MLLT1: variants seen among roughly 807,000 people sequenced by gnomAD.
MLLT1 encodes protein ENL.
A neutral mutation model predicts 55.1 loss-of-function variants in MLLT1; 11 were observed. The observed-to-expected ratio is 0.20, with a 90% CI of 0.13 to 0.33. The LOEUF is 0.33. Among genes scored for constraint, MLLT1 ranks in the 10% least tolerant of loss-of-function variants. The pLI is 1.00. For synonymous variants in MLLT1, 323 were observed against 320.1 expected (o/e 1.01, Z -0.10); for missense variants, 536 against 760.6 (o/e 0.70, Z 3.47).
At chr19:6,225,879 A>G (rs533445700) in intron 5 of MLLT1, among the ~76,000 whole-genome samples, 95 of 152,342 alleles carry the variant, frequency 6.2e-4, no homozygotes, top group African/African-American at 2.2e-3. Flanking sequence ...TGAGAGGGAC[A>G]CTGCCAAGAT....
chr19:6,278,907 T>C (rs2091442342), intron 1 of MLLT1, among the ~76,000 whole-genome samples: 1 of 151,484 alleles, frequency 6.6e-6, no homozygotes, highest in South Asian at 2.1e-4. Flanking sequence ...AAGAAAGAAG[T>C]CTGAAAAAGC....
At chr19:6,243,971 G>A (rs776922931) in intron 3 of MLLT1, among the ~76,000 whole-genome samples, 1 of 150,368 alleles carries the variant, frequency 6.7e-6, no homozygotes, top group South Asian at 2.1e-4. Context: ...GTGAACCCAG[G>A]AGGCAGGGCT....
At chr19:6,272,779 T>C (rs947243549) in intron 1 of MLLT1, among the ~76,000 whole-genome samples, 3 of 152,120 alleles carry the variant, frequency 2.0e-5, no homozygotes, top group East Asian at 1.9e-4. Context: ...GGCAGGGCCA[T>C]GGTGGCAGAT....
At chr19:6,247,817 G>A (rs901276631) in intron 3 of MLLT1, among the ~76,000 whole-genome samples, 8 of 152,236 alleles carry the variant, frequency 5.3e-5, no homozygotes, top group Admixed American at 2.6e-4. Flanking sequence ...GCTCCAGTGA[G>A]CAGTTCCTTT....
intron 8 of MLLT1, among the ~76,000 whole-genome samples, 157 bp from the exon 9 acceptor site, chr19:6,214,195 T>C (rs554397397): frequency 1.3e-4 from 18 of 141,804 alleles, no homozygotes; most frequent in African/African-American, 4.5e-4. Context: ...AACTTAAAAA[T>C]ACTGTGTGTG....
At chr19:6,255,081 G>C (rs1157341871) in intron 3 of MLLT1, among the ~76,000 whole-genome samples, 1 of 151,980 alleles carries the variant, frequency 6.6e-6, no homozygotes, top group Non-Finnish European at 1.5e-5. Flanking sequence ...GTCCAGAGAG[G>C]AGGTCTACAG....
At position 6,219,924 on chromosome 19, in the gene MLLT1, G is replaced by A. The variant is rs549223560; in HGVS notation, c.1111-1883C>T. Among the ~76,000 whole-genome samples the A allele has an allele frequency of 5.3e-5, 8 of 152,318 alleles. No homozygotes were observed. The highest frequency in any genetic ancestry group is 2.1e-4 in the South Asian group (1 of 4,824). ...CAAGGGGCAGGGAGGAAAAGAATCC[G>A]GAAATGGTCTCAGCCAGAAGAGCCC... On this transcript the variant is annotated intron_variant, in intron 6 of 11. Coordinates refer to ENST00000252674, the MANE Select transcript of MLLT1 (RefSeq NM_005934.4). This position sits in a 1 kb window ranked among gnomAD's most constrained non-coding sequence, Gnocchi z 4.5.
chr19:6,244,098 C>T (rs770389131), intron 3 of MLLT1, among the ~76,000 whole-genome samples: 21 of 151,358 alleles, frequency 1.4e-4, no homozygotes, highest in East Asian at 3.9e-4. Flanking sequence ...AGAACCCAAC[C>T]GACCCTTTCT....
intron 3 of MLLT1, among the ~76,000 whole-genome samples, chr19:6,255,268 G>A (rs941830744): frequency 6.6e-6 from 1 of 152,090 alleles, no homozygotes; most frequent in East Asian, 1.9e-4. Context: ...CGAGGTGGGC[G>A]GATCACTTGA....
intron 3 of MLLT1, among the ~76,000 whole-genome samples, chr19:6,254,090 C>T (rs1417174583): frequency 6.6e-6 from 1 of 152,174 alleles, no homozygotes; most frequent in Admixed American, 6.5e-5. Flanking sequence ...CCAGGGGAAC[C>T]AATCATGTGA....
At chr19:6,246,772 G>A (rs931561587) in intron 3 of MLLT1, among the ~76,000 whole-genome samples, 15 of 152,256 alleles carry the variant, frequency 9.9e-5, no homozygotes, top group South Asian at 4.1e-4. Context: ...ACTAATAACC[G>A]GATGGGCAGA....
intron 6 of MLLT1, among the ~76,000 whole-genome samples, chr19:6,221,063 G>A (rs1016304109): frequency 6.6e-6 from 1 of 152,182 alleles, no homozygotes; most frequent in African/African-American, 2.4e-5. Flanking sequence ...ACCTCCATGA[G>A]GGCCCTGGGG....
chr19:6,266,276 CAAAAAAAA>C (rs35972478), intron 2 of MLLT1, among the ~76,000 whole-genome samples: 11 of 73,608 alleles, frequency 1.5e-4, no homozygotes, highest in African/African-American at 4.9e-4. Flanking sequence ...ATTCTGTCTC[CAAAAAAAA>C]AAAAAAAAAA....
At position 6,256,296 on chromosome 19, in the gene MLLT1, C is replaced by T. The variant is rs1488382241; in HGVS notation, c.276+5932G>A. ...GCAACACAATGGGACCCCATCTCTACAAAAATAATAAAATTAGCTGGATGT... is the reference window on the plus strand; with the variant it reads ...GCAACACAATGGGACCCCATCTCTATAAAAATAATAAAATTAGCTGGATGT... On this transcript the variant is annotated intron_variant, in intron 3 of 11. Coordinates refer to ENST00000252674, the MANE Select transcript of MLLT1 (RefSeq NM_005934.4). This position sits in a 1 kb window ranked among gnomAD's most constrained non-coding sequence, Gnocchi z 4.1. Among the ~76,000 whole-genome samples, 1 of 151,756 alleles carries T rather than the reference C, an allele frequency of 6.6e-6. No homozygotes were observed. Among genetic ancestry groups the T allele is most frequent in the East Asian group, 1.9e-4 (1 of 5,174 alleles).
At chr19:6,236,675 G>A (rs1466484043) in intron 3 of MLLT1, among the ~76,000 whole-genome samples, 4 of 152,172 alleles carry the variant, frequency 2.6e-5, no homozygotes, top group African/African-American at 7.2e-5. Flanking sequence ...CCCTCTACAC[G>A]AGACCTGGGC....
Position 6,255,101 on chromosome 19 carries a change from A to G in MLLT1, c.276+7127T>C, listed in dbSNP as rs368571807. Among the ~76,000 whole-genome samples the G allele has an allele frequency of 4.6e-5, 7 of 152,222 alleles. No individual in the cohort carries two copies. In the East Asian group the frequency reaches 1.3e-3, roughly 29 times the overall value. On this transcript the variant is annotated intron_variant, in intron 3 of 11. Coordinates refer to ENST00000252674, the MANE Select transcript of MLLT1 (RefSeq NM_005934.4). ...GAGAGGAGGTCTACAGGAAAAACAA[A>G]AACAAAATCAGCTGTGCTTCTATAC...
chr19:6,216,707 A>C, intron 7 of MLLT1, 194 bp from the exon 8 acceptor site: 1 of 543,978 alleles, frequency 1.8e-6, no homozygotes, highest in Non-Finnish European at 3.3e-6. Context: ...CTTCCCCTAG[A>C]ACGCCCTGGC....
At chr19:6,278,804 G>A (rs536047336) in intron 1 of MLLT1, among the ~76,000 whole-genome samples, 14 of 152,310 alleles carry the variant, frequency 9.2e-5, no homozygotes, top group African/African-American at 3.1e-4. Flanking sequence ...TCAGAGCAGA[G>A]GGTCTGAAGG....
intron 1 of MLLT1, among the ~76,000 whole-genome samples, chr19:6,274,261 C>T (rs189152557): frequency 2.0e-5 from 3 of 152,366 alleles, no homozygotes; most frequent in South Asian, 2.1e-4. Context: ...TTCAGTAAGA[C>T]GCTCAAGCCA....
Sources: allele counts gnomAD v4.1 joint callset (sites outside exome capture counted in the v4.1 genomes callset), GRCh38; gene constraint gnomAD v4.1.1; non-coding constraint Gnocchi (gnomAD v3.1); transcripts MANE v1.5; gene names NCBI Gene and HGNC (gene_info 2026-07-23, HGNC 2026-07-21).